The following SUMF1 variants were observed in gnomAD, a reference collection of about 807,000 sequenced individuals.
SUMF1 encodes sulfatase modifying factor 1, also known as formylglycine-generating enzyme.
A neutral mutation model predicts 47.6 loss-of-function variants in SUMF1; 48 were observed. The ratio of observed to expected loss-of-function variants is 1.01; its 90% CI spans 0.80 to 1.28. The LOEUF (loss-of-function observed/expected upper bound fraction) is 1.28, where lower values mean the gene tolerates loss of function less well. SUMF1 is among the 50% of genes most tolerant of loss of function. The pLI is 0.00. For synonymous variants in SUMF1, 230 were observed against 192.1 expected, an observed-to-expected ratio of 1.20 and a Z score of -1.63; for missense variants, 571 against 485.4, an observed-to-expected ratio of 1.18 and a Z score of -1.66.
At chr3:4,433,026 A>T (rs1702286001) in intron 3 of SUMF1, among the ~76,000 whole-genome samples, 1 of 152,274 alleles carries the variant, frequency 6.6e-6, no homozygotes, top group East Asian at 1.9e-4. Flanking sequence ...TGCCTCATCT[A>T]TAAGATTTTT....
rs575332327 is a variant in SUMF1, at chr3:4,178,196, C to T, written c.1015-109451G>A. On this transcript the variant is annotated intron_variant and NMD_transcript_variant, in intron 8 of 12. Coordinates refer to the SUMF1 transcript ENST00000448413. ...ATCCTCCCTAACTCATTTGATGAGG[C>T]CAGCATCATCCTGATACCAAAGCCT... Among the ~76,000 whole-genome samples, 3 of 152,266 alleles carry T rather than the reference C, an allele frequency of 2.0e-5. No homozygotes were observed. In the East Asian group the frequency reaches 5.8e-4, roughly 29 times the overall value.
At chr3:4,414,718 C>A (rs972222405) in intron 6 of SUMF1, 13 of 152,320 alleles carry the variant, frequency 8.5e-5, no homozygotes, top group Middle Eastern at 3.4e-3. Flanking sequence ...TATTCCAATT[C>A]TAAACATCTG....
chr3:4,056,217 C>T (rs1695189414), intron 9 of SUMF1, among the ~76,000 whole-genome samples: 1 of 152,176 alleles, frequency 6.6e-6, no homozygotes, highest in Non-Finnish European at 1.5e-5. Context: ...TTCTGCCTAG[C>T]AGAGTTGTCT....
chr3:4,250,853 T>C (rs1575019613), intron 8 of SUMF1, among the ~76,000 whole-genome samples: 1 of 152,122 alleles, frequency 6.6e-6, no homozygotes, highest in African/African-American at 2.4e-5. Flanking sequence ...ACTTTCAAAA[T>C]AGTACTGCTC....
chr3:4,345,056 T>G (rs1362675641), intron 8 of SUMF1, among the ~76,000 whole-genome samples: 2 of 152,060 alleles, frequency 1.3e-5, no homozygotes, highest in African/African-American at 4.8e-5. Flanking sequence ...AACCTATGAT[T>G]GATTGGAGTA....
At chr3:4,200,939 T>G (rs1695527984) in intron 8 of SUMF1, among the ~76,000 whole-genome samples, 1 of 152,090 alleles carries the variant, frequency 6.6e-6, no homozygotes, top group Non-Finnish European at 1.5e-5. Context: ...TACTATAACT[T>G]TATAGTAAAG....
rs2125144176 is a variant in SUMF1 at position 4,456,333 on chromosome 3, A to G, written c.271-3284T>C. Among the ~76,000 whole-genome samples, 3 of 152,282 alleles carry G rather than the reference A, an allele frequency of 2.0e-5. No individual in the cohort carries two copies. The Middle Eastern group carries it at 0.01, about 522-fold the overall frequency. Reference sequence around the variant, plus strand: ...AAGGATGCATACTCTTGCCACTTCTATTCCATGTAATACCGGACATACTAG... The same window carrying G: ...AAGGATGCATACTCTTGCCACTTCTGTTCCATGTAATACCGGACATACTAG... On this transcript the variant is annotated intron_variant, in intron 1 of 8. Coordinates refer to ENST00000272902, the MANE Select transcript of SUMF1 (RefSeq NM_182760.4).
In SUMF1 at chr3:4,387,330, AG is replaced by A. The variant is rs1355896701; in HGVS notation, c.955-10942del. Among the ~76,000 whole-genome samples the A allele has an allele frequency of 2.0e-5, 3 of 152,030 alleles. No individual in the cohort carries two copies. The East Asian group carries it at 5.8e-4, about 29-fold the overall frequency. On this transcript the variant is annotated intron_variant, in intron 7 of 8. Transcript: ENST00000272902. ...ATATTGGGTAAACTGTGGTATTTGG[AG>A]TTTTTTGAGGAAGTGTTGTTTCTCG...
intron 8 of SUMF1, among the ~76,000 whole-genome samples, chr3:4,147,410 AT>A (rs1246044071): frequency 1.3e-5 from 2 of 152,158 alleles, no homozygotes; most frequent in Non-Finnish European, 2.9e-5. Context: ...GACTCTTGGA[AT>A]TTCTTGATCA....
chr3:4,444,546 A>G (rs1559304076), intron 3 of SUMF1, among the ~76,000 whole-genome samples: 2 of 152,230 alleles, frequency 1.3e-5, no homozygotes, highest in African/African-American at 4.8e-5. Context: ...ACCTATTCTC[A>G]GTAATTACAC....
intron 8 of SUMF1, among the ~76,000 whole-genome samples, chr3:4,162,980 C>A (rs142371372): frequency 6.6e-6 from 1 of 151,920 alleles, no homozygotes; most frequent in Non-Finnish European, 1.5e-5. Flanking sequence ...ACAAACTCAT[C>A]ACGTTAGTGC....
chr3:4,221,412 G>T (rs1696059700), intron 8 of SUMF1, among the ~76,000 whole-genome samples: 1 of 96,216 alleles, frequency 1.0e-5, no homozygotes, highest in African/African-American at 5.1e-5. Context: ...TTGGTTTTTT[G>T]GGGTGTGTGT....
At chr3:4,409,993 G>C (rs1177483544) in intron 7 of SUMF1, among the ~76,000 whole-genome samples, 2 of 152,142 alleles carry the variant, frequency 1.3e-5, no homozygotes, top group Non-Finnish European at 2.9e-5. Context: ...TTTTCAAAAA[G>C]TTCAGGTTTA....
At chr3:4,065,476 A>T (rs1157007669) in intron 9 of SUMF1, among the ~76,000 whole-genome samples, 3 of 152,176 alleles carry the variant, frequency 2.0e-5, no homozygotes, top group African/African-American at 7.2e-5. Flanking sequence ...AGACAAACAG[A>T]ACCGTATTTT....
At chr3:4,432,132 A>C (rs1049017804) in intron 3 of SUMF1, among the ~76,000 whole-genome samples, 1 of 151,980 alleles carries the variant, frequency 6.6e-6, no homozygotes. Context: ...TAGAATAATC[A>C]TAACTCATTC....
At chr3:4,225,092 A>T (rs1047256455) in intron 8 of SUMF1, among the ~76,000 whole-genome samples, 5 of 147,854 alleles carry the variant, frequency 3.4e-5, no homozygotes, top group African/African-American at 1.3e-4. Context: ...TAGAAAGACA[A>T]GGGAGCATTT....
At chr3:4,378,951 T>C (rs559286096) in intron 7 of SUMF1, among the ~76,000 whole-genome samples, 60 of 152,340 alleles carry the variant, frequency 3.9e-4, no homozygotes, top group Non-Finnish European at 2.6e-4. Context: ...TCAACTTCAA[T>C]GAACTAAGTC....
chr3:4,221,399 G>C (rs1373493904), intron 8 of SUMF1, among the ~76,000 whole-genome samples: 1 of 143,870 alleles, frequency 7.0e-6, no homozygotes, highest in African/African-American at 2.7e-5. Context: ...AAATGCTTTG[G>C]GTTTGGTTTT....
chr3:4,288,970 G>T (rs1487028826), intron 8 of SUMF1, among the ~76,000 whole-genome samples: 1 of 152,182 alleles, frequency 6.6e-6, no homozygotes, highest in Non-Finnish European at 1.5e-5. Context: ...GCCCACAGTG[G>T]TGTTGTTCTT....
Sources: allele counts gnomAD v4.1 joint callset (sites outside exome capture counted in the v4.1 genomes callset), GRCh38; gene constraint gnomAD v4.1.1; transcripts MANE v1.5; gene names NCBI Gene and HGNC (gene_info 2026-07-23, HGNC 2026-07-21).